HHLA2: variants seen among roughly 807,000 people sequenced by gnomAD.
HHLA2 encodes the protein HHLA2 member of B7 family.
A neutral mutation model predicts 45.9 loss-of-function variants in HHLA2; 48 were observed. The ratio of observed to expected loss-of-function variants is 1.05; its 90% CI spans 0.83 to 1.33. The LOEUF (loss-of-function observed/expected upper bound fraction) is 1.33. Ranked by LOEUF, HHLA2 falls within the 40% of genes most tolerant of loss-of-function variation. HHLA2 has a pLI of 0.00. For synonymous variants in HHLA2, 161 were observed against 173.9 expected (o/e 0.93, Z 0.59); for missense variants, 462 against 494.3 (o/e 0.93, Z 0.62).
intron 6 of HHLA2, 104 bp from the exon 6 acceptor site, chr3:108,357,740 A>G: frequency 1.1e-6 from 1 of 899,284 alleles, no homozygotes; most frequent in Non-Finnish European, 1.7e-6. Context: ...ATTTCCAAAT[A>G]TATCAGTATT....
intron 3 of HHLA2, among the ~76,000 whole-genome samples, chr3:108,347,901 C>A (rs777431963): frequency 3.3e-5 from 5 of 152,042 alleles, no homozygotes; most frequent in Admixed American, 1.3e-4. Context: ...GAGATGAAGA[C>A]TGGAGAAAGA....
At chr3:108,356,901 G>C (rs189919037) in intron 6 of HHLA2, among the ~76,000 whole-genome samples, 4 of 152,290 alleles carry the variant, frequency 2.6e-5, no homozygotes, top group Admixed American at 2.6e-4. Context: ...TTGCATAAGG[G>C]TAGAATTTTA....
rs766452043 is a variant in HHLA2 at position 108,355,392 on chromosome 3, C to T, written c.685+11C>T. The stretch of plus-strand genomic sequence containing the variant: ...GCTGGACGATGAAAGGTAGGCTCCA[C>T]AGGACTTTCTGTGTACACGTGCTGT... On this transcript the variant is annotated intron_variant, in intron 6 of 10. Transcript: ENST00000619531. The T allele has an allele frequency of 2.1e-5, 34 of 1,609,940 alleles. No individual in the cohort carries two copies. Among genetic ancestry groups the T allele is most frequent in the Non-Finnish European group, 2.5e-5 (30 of 1,177,502 alleles).
chr3:108,324,532 C>T (rs1455528323), intron 2 of HHLA2, among the ~76,000 whole-genome samples: 3 of 152,194 alleles, frequency 2.0e-5, no homozygotes, highest in African/African-American at 7.2e-5. Context: ...CACTCCTAGG[C>T]TTTCACAAGG....
intron 4 of HHLA2, among the ~76,000 whole-genome samples, chr3:108,352,145 A>ACT (rs1560246745): frequency 5.3e-5 from 8 of 150,446 alleles, no homozygotes. Context: ...TGATTGATTG[A>ACT]TTTTTTTTTT....
At chr3:108,325,575 T>A in intron 2 of HHLA2, 1 of 258,794 alleles carries the variant, frequency 3.9e-6, no homozygotes, top group Non-Finnish European at 7.6e-6. Context: ...GGCAAAGTAT[T>A]GGCCTCCCCC....
rs539687208 is a variant in HHLA2, at chr3:108,336,421, A to T, written c.-27+8074A>T. On this transcript the variant is annotated intron_variant, in intron 3 of 10. Coordinates refer to ENST00000619531, the Ensembl canonical transcript of HHLA2. ...TCTAACAATGATAACTAATTAACCT[A>T]TTCCCAAAATTTTTACTTGCTGTCC... is the stretch of plus-strand genomic sequence containing the variant. 6.6e-5 allele frequency among the ~76,000 whole-genome samples: 10 copies of T among 152,278 alleles called. No individual in the cohort carries two copies. In the East Asian group the frequency reaches 1.9e-3, roughly 29 times the overall value.
intron 6 of HHLA2, 147 bp from the exon 6 acceptor site, chr3:108,357,697 C>G (rs758949141): frequency 2.4e-5 from 16 of 677,794 alleles, no homozygotes; most frequent in Non-Finnish European, 3.8e-5. Context: ...TTTAAGAAAC[C>G]ACAGTACAAA....
chr3:108,332,485 A>G (rs2081402651), intron 3 of HHLA2, among the ~76,000 whole-genome samples: 1 of 152,194 alleles, frequency 6.6e-6, no homozygotes, highest in Non-Finnish European at 1.5e-5. Flanking sequence ...CTTCACTGCA[A>G]TAAGAAGCCT....
chr3:108,329,076 G>A (rs576980422), intron 3 of HHLA2, among the ~76,000 whole-genome samples: 60 of 152,252 alleles, frequency 3.9e-4, no homozygotes, highest in Middle Eastern at 6.8e-3. Flanking sequence ...GATTAGCTAA[G>A]TTAGGATGCA....
At chr3:108,341,420 C>T (rs2081569520) in intron 3 of HHLA2, among the ~76,000 whole-genome samples, 1 of 152,190 alleles carries the variant, frequency 6.6e-6, no homozygotes, top group Non-Finnish European at 1.5e-5. Flanking sequence ...ATTAAACTTA[C>T]TACAAACTTC....
intron 2 of HHLA2, chr3:108,328,251 T>A: frequency 1.6e-6 from 2 of 1,277,036 alleles, no homozygotes; most frequent in South Asian, 1.5e-5. Context: ...ATCACCTTAA[T>A]CTAATTTTAT....
chr3:108,335,191 A>T (rs915110693), intron 3 of HHLA2, among the ~76,000 whole-genome samples: 1 of 152,186 alleles, frequency 6.6e-6, no homozygotes, highest in African/African-American at 2.4e-5. Flanking sequence ...GGGATCCAGG[A>T]TCCACAAGAA....
intron 7 of HHLA2, among the ~76,000 whole-genome samples, chr3:108,358,364 T>G (rs1576166169): frequency 6.6e-6 from 1 of 152,220 alleles, no homozygotes; most frequent in African/African-American, 2.4e-5. Flanking sequence ...AAAAAATTAC[T>G]CCCACAGATT....
intron 2 of HHLA2, chr3:108,325,420 GA>G: frequency 2.8e-6 from 1 of 363,370 alleles, no homozygotes; most frequent in Non-Finnish European, 5.5e-6. Flanking sequence ...GTGCTTGGCT[GA>G]ATTCACAAAT....
At chr3:108,351,675 C>T in intron 3 of HHLA2, 113 bp from the exon 3 acceptor site, 1 of 618,422 alleles carries the variant, frequency 1.6e-6, no homozygotes. Flanking sequence ...CCATCCTTTA[C>T]AATATTATAT....
At chr3:108,323,175 G>A (rs901353224) in intron 2 of HHLA2, among the ~76,000 whole-genome samples, 1 of 152,020 alleles carries the variant, frequency 6.6e-6, no homozygotes, top group African/African-American at 2.4e-5. Context: ...GATGGTTAAT[G>A]GAATAGAAAG....
chr3:108,314,144 T>A (rs1370259957), intron 2 of HHLA2, among the ~76,000 whole-genome samples: 2 of 152,136 alleles, frequency 1.3e-5, no homozygotes. Flanking sequence ...TTTATCTTTG[T>A]GCACACAAAC....
chr3:108,373,655 A>G (rs1350527759), intron 8 of HHLA2, among the ~76,000 whole-genome samples: 3 of 152,040 alleles, frequency 2.0e-5, no homozygotes, highest in African/African-American at 7.2e-5. Context: ...TCAATGTGCA[A>G]AAATCACAAG....
Sources: allele counts gnomAD v4.1 joint callset (sites outside exome capture counted in the v4.1 genomes callset), GRCh38; gene constraint gnomAD v4.1.1; transcripts MANE v1.5; gene names NCBI Gene and HGNC (gene_info 2026-07-23, HGNC 2026-07-21).